The following DPH6 variants were observed in gnomAD, a reference collection of about 807,000 sequenced individuals.
DPH6 encodes the protein diphthamine biosynthesis 6, also known as diphthine--ammonia ligase.
Under a neutral mutation model 38.2 loss-of-function variants are expected in DPH6, and 33 were observed. The observed-to-expected ratio is 0.86, with a 90% CI of 0.65 to 1.15. The LOEUF (loss-of-function observed/expected upper bound fraction) is 1.15. DPH6 is among the 50% of genes most tolerant of loss of function. DPH6 has a pLI of 0.00. For synonymous variants in DPH6, 108 were observed against 103.0 expected, an observed-to-expected ratio of 1.05 and a Z score of -0.30; for missense variants, 325 against 320.0, an observed-to-expected ratio of 1.02 and a Z score of -0.12.
At chr15:35,496,585 T>TATATATATATATATATAG (rs2054561546) in intron 3 of DPH6, among the ~76,000 whole-genome samples, 1 of 107,426 alleles carries the variant, frequency 9.3e-6, no homozygotes, top group Non-Finnish European at 1.7e-5. Context: ...TATATATATA[T>TATATATATATATATATAG]ATATATCCTC....
chr15:35,243,800 G>A (rs2051617329), intron 3 of DPH6, among the ~76,000 whole-genome samples: 2 of 152,064 alleles, frequency 1.3e-5, no homozygotes, highest in South Asian at 4.2e-4. Flanking sequence ...CTCACACAAA[G>A]CCTGTTTGGT....
chr15:35,532,095 G>C (rs1409909943), intron 3 of DPH6, among the ~76,000 whole-genome samples: 1 of 152,148 alleles, frequency 6.6e-6, no homozygotes, highest in Admixed American at 6.6e-5. Context: ...GAAAAGCACA[G>C]CCGAAGACTC....
chr15:35,430,349 T>C (rs980728268), intron 5 of DPH6, among the ~76,000 whole-genome samples: 1 of 151,306 alleles, frequency 6.6e-6, no homozygotes, highest in Non-Finnish European at 1.5e-5. Flanking sequence ...ACTTGTACTT[T>C]AACTTTTTTT....
chr15:35,510,131 T>C (rs1246028185), intron 3 of DPH6, among the ~76,000 whole-genome samples: 4 of 152,162 alleles, frequency 2.6e-5, no homozygotes, highest in Admixed American at 2.6e-4. Flanking sequence ...TGGGAGGATC[T>C]GAGCTCAGTA....
chr15:35,199,841 G>GA, the DPH6 span, among the ~76,000 whole-genome samples: 1,648 of 143,640 alleles, frequency 0.011, 12 homozygotes, highest in Non-Finnish European at 0.014. Context: ...ATGGAAGAAA[G>GA]AAAAAAAAAA....
In DPH6 at chr15:35,542,454, T is replaced by C; in HGVS notation, c.77A>G (p.Gln26Arg). Residue 26 changes from glutamine to arginine, a missense_variant, in exon 2 of 9, where the codon CAG (glutamine) becomes CGG (arginine). Physicochemically the swap from Gln to Arg is conservative, Grantham distance 43 (BLOSUM62 1). Coordinates refer to ENST00000256538, the MANE Select transcript of DPH6 (RefSeq NM_080650.4). ...NMMQCIAAGH[Q>R]IVALANLRPA... Reference sequence around the variant, plus strand: ...TCTTAGATTTGCTAAAGCAACGATCTGATGCCCAGCAGCAATGCACTGCAT... The same window carrying C: ...TCTTAGATTTGCTAAAGCAACGATCCGATGCCCAGCAGCAATGCACTGCAT... 2 of 1,580,794 alleles carry C rather than the reference T, an allele frequency of 1.3e-6. No homozygotes were observed. The highest frequency in any genetic ancestry group is 1.7e-6 in the Non-Finnish European group (2 of 1,154,002).
intron 6 of DPH6, among the ~76,000 whole-genome samples, chr15:35,392,655 T>C (rs1445830855): frequency 6.6e-6 from 1 of 152,218 alleles, no homozygotes; most frequent in African/African-American, 2.4e-5. Context: ...TTGTCTTGTA[T>C]AGACCAAAAT....
chr15:35,393,253 G>T (rs951344167), intron 6 of DPH6, among the ~76,000 whole-genome samples: 30 of 152,084 alleles, frequency 2.0e-4, no homozygotes, highest in African/African-American at 6.5e-4. Context: ...GGAGAGAGTA[G>T]ATATTTTGAG....
At chr15:35,421,482 T>G (rs1419295809) in intron 5 of DPH6, among the ~76,000 whole-genome samples, 6 of 152,206 alleles carry the variant, frequency 3.9e-5, no homozygotes, top group Non-Finnish European at 7.4e-5. Context: ...CAAATACCCC[T>G]TTTTTGTACA....
chr15:35,238,803 T>G (rs1323155412), intron 3 of DPH6, among the ~76,000 whole-genome samples: 1 of 151,706 alleles, frequency 6.6e-6, no homozygotes, highest in East Asian at 1.9e-4. Flanking sequence ...ACTGAGTGAT[T>G]AACCCTGTGA....
chr15:35,511,708 A>C (rs1440599086), intron 3 of DPH6, among the ~76,000 whole-genome samples: 1 of 152,128 alleles, frequency 6.6e-6, no homozygotes, highest in Non-Finnish European at 1.5e-5. Context: ...TATCATTTAA[A>C]AAAAAAAGTG....
At chr15:35,483,665 A>G (rs747164116) in intron 3 of DPH6, among the ~76,000 whole-genome samples, 1 of 152,204 alleles carries the variant, frequency 6.6e-6, no homozygotes, top group Non-Finnish European at 1.5e-5. Flanking sequence ...CAAATTTAAC[A>G]TACAACCCAG....
intron 3 of DPH6, among the ~76,000 whole-genome samples, chr15:35,473,010 G>C (rs2054216879): frequency 6.6e-6 from 1 of 151,508 alleles, no homozygotes; most frequent in Non-Finnish European, 1.5e-5. Flanking sequence ...CAACTTAAAA[G>C]TTTCTTTTGA....
At chr15:35,340,998 T>G (rs976678280) in intron 3 of DPH6, among the ~76,000 whole-genome samples, 2 of 152,208 alleles carry the variant, frequency 1.3e-5, no homozygotes, top group Non-Finnish European at 2.9e-5. Context: ...ATTCTCCCTG[T>G]CTTTTATGGG....
chr15:35,362,081 C>G (rs73376759), intron 3 of DPH6, among the ~76,000 whole-genome samples: 4,359 of 152,076 alleles, frequency 0.029, 204 homozygotes, highest in African/African-American at 0.1. Context: ...TGGCTTCACA[C>G]AGGGGAAGAC....
intron 3 of DPH6, among the ~76,000 whole-genome samples, chr15:35,323,928 A>G (rs796264988): frequency 1.8e-4 from 27 of 152,298 alleles, no homozygotes; most frequent in African/African-American, 6.3e-4. Context: ...TAATATTCTT[A>G]TATAATCCTT....
At chr15:35,152,309 G>A in the DPH6 span, among the ~76,000 whole-genome samples, 1 of 152,018 alleles carries the variant, frequency 6.6e-6, no homozygotes, top group Admixed American at 6.6e-5. Context: ...CCTAGTATTA[G>A]TAAGTTAGGA....
At chr15:35,439,083 G>A (rs2053752656) in intron 5 of DPH6, among the ~76,000 whole-genome samples, 1 of 152,162 alleles carries the variant, frequency 6.6e-6, no homozygotes, top group African/African-American at 2.4e-5. Flanking sequence ...AGTTATAAAA[G>A]GTTTATGACG....
chr15:35,525,674 C>A (rs1055190097), intron 3 of DPH6, among the ~76,000 whole-genome samples: 5 of 151,582 alleles, frequency 3.3e-5, no homozygotes, highest in Admixed American at 6.6e-5. Flanking sequence ...CTCACCTCTA[C>A]AAAAAAAATA....
Sources: gnomAD v4.1 joint callset for allele counts (sites outside exome capture counted in the v4.1 genomes callset) on GRCh38, gnomAD v4.1.1 for gene constraint, MANE v1.5 for transcripts, NCBI Gene and HGNC (gene_info 2026-07-23, HGNC 2026-07-21) for gene names.